STK31: variants seen among roughly 807,000 people sequenced by gnomAD.
The protein encoded by STK31 is serine/threonine kinase 31.
Under a neutral mutation model 129.7 loss-of-function variants are expected in STK31, and 89 were observed. The ratio of observed to expected loss-of-function variants is 0.69; its 90% CI spans 0.58 to 0.82. STK31 has a LOEUF of 0.82. STK31 is among the 40% of genes least tolerant of loss of function. The pLI, the probability that STK31 is intolerant of heterozygous loss-of-function variation, is 0.00. For missense variants in STK31, 1,187 were observed against 1,176.4 expected (o/e 1.01, Z -0.13); for synonymous variants, 448 against 395.3 (o/e 1.13, Z -1.58).
At chr7:23,761,159 C>G (rs1562580078) in intron 10 of STK31, among the ~76,000 whole-genome samples, 2 of 152,114 alleles carry the variant, frequency 1.3e-5, no homozygotes, top group African/African-American at 2.4e-5. Context: ...CAGGATGGAG[C>G]TTTAGCACTT....
At chr7:23,735,490 G>A (rs1787662770) in intron 6 of STK31, 48 bp from the exon 7 acceptor site, 2 of 1,469,422 alleles carry the variant, frequency 1.4e-6, no homozygotes, top group Non-Finnish European at 9.2e-7. Flanking sequence ...CAAAATAAGG[G>A]AAGAGAAACA....
At chr7:23,766,133 A>C (rs568147344) in intron 11 of STK31, among the ~76,000 whole-genome samples, 87 of 152,234 alleles carry the variant, frequency 5.7e-4, no homozygotes, top group African/African-American at 2.0e-3. Context: ...GAGTTATTTG[A>C]TATTTCAGGA....
intron 15 of STK31, 24 bp downstream of exon 15, chr7:23,772,302 T>C (rs762070193): frequency 1.3e-6 from 2 of 1,592,786 alleles, no homozygotes. Context: ...TGTTTCTTAC[T>C]GATCTTTATG....
chr7:23,824,416 T>C (rs1196027897), intron 23 of STK31, among the ~76,000 whole-genome samples: 2 of 152,244 alleles, frequency 1.3e-5, no homozygotes, highest in African/African-American at 4.8e-5. Context: ...TATTGGTGTA[T>C]AAGAATGCTT....
chr7:23,751,899 T>C (rs1343060966), intron 8 of STK31, among the ~76,000 whole-genome samples: 1 of 151,822 alleles, frequency 6.6e-6, no homozygotes, highest in African/African-American at 2.4e-5. Context: ...ATAGTATTTT[T>C]ATTCGAAGTT....
intron 23 of STK31, among the ~76,000 whole-genome samples, chr7:23,828,128 C>T (rs1232153672): frequency 1.3e-5 from 2 of 152,182 alleles, no homozygotes; most frequent in African/African-American, 4.8e-5. Context: ...AGCTGTCAGA[C>T]AGGGACACTT....
intron 10 of STK31, among the ~76,000 whole-genome samples, chr7:23,756,387 C>T (rs536902074): frequency 2.0e-5 from 3 of 152,212 alleles, no homozygotes; most frequent in South Asian, 2.1e-4. Flanking sequence ...CAGTTCAAGA[C>T]GTTTTTGGGG....
intron 23 of STK31, among the ~76,000 whole-genome samples, chr7:23,818,076 T>C (rs1793572700): frequency 6.6e-6 from 1 of 152,128 alleles, no homozygotes; most frequent in South Asian, 2.1e-4. Context: ...TGTAATATTA[T>C]ATTTAAATTT....
At chr7:23,785,870 G>T (rs1321421444) in intron 18 of STK31, among the ~76,000 whole-genome samples, 1 of 152,022 alleles carries the variant, frequency 6.6e-6, no homozygotes, top group Non-Finnish European at 1.5e-5. Context: ...GGGAGGGATA[G>T]CATTAGGAGA....
chr7:23,744,323 G>A (rs907328359), intron 8 of STK31, among the ~76,000 whole-genome samples: 2 of 149,106 alleles, frequency 1.3e-5, no homozygotes, highest in African/African-American at 4.9e-5. Context: ...TACCTATTTG[G>A]TAAATTTCTC....
Position 23,740,111 on chromosome 7 carries a change from A to ACAGGTTTTCTGTAC in STK31, c.1017+3033_1017+3034insCAGGTTTTCTGTAC, listed in dbSNP as rs1323096504. 5.9e-5 allele frequency among the ~76,000 whole-genome samples: 9 copies of ACAGGTTTTCTGTAC among 152,148 alleles called. No homozygotes were observed. In the East Asian group the frequency reaches 1.7e-3, roughly 29 times the overall value. On this transcript the variant is annotated intron_variant, in intron 8 of 23. Transcript: ENST00000355870. Reference sequence around the variant, plus strand: ...TGATTCTTCCTGTCCACGAGCATGGAATTGTATTTTCTGTACAGTCAGGGT... The same window carrying ACAGGTTTTCTGTAC: ...TGATTCTTCCTGTCCACGAGCATGGACAGGTTTTCTGTACATTGTATTTTCTGTACAGTCAGGGT...
chr7:23,804,076 A>G (rs541704938), intron 22 of STK31, among the ~76,000 whole-genome samples: 8 of 151,824 alleles, frequency 5.3e-5, no homozygotes, highest in Non-Finnish European at 1.2e-4. Flanking sequence ...TTCTTTGTTT[A>G]TTTTTATTTA....
At chr7:23,710,097 AG>A, upstream of STK31, 1 of 957,942 alleles carries the variant, frequency 1.0e-6, no homozygotes, top group East Asian at 2.6e-5. Context: ...GGTCGGCAGC[AG>A]CCAGCGTCAG....
At chr7:23,729,857 C>T (rs531288684) in intron 6 of STK31, among the ~76,000 whole-genome samples, 22 of 152,178 alleles carry the variant, frequency 1.4e-4, no homozygotes, top group Non-Finnish European at 3.1e-4. Flanking sequence ...ACAGTTATTT[C>T]TATAATTGTT....
chr7:23,756,450 CT>C (rs1789090654), intron 10 of STK31, among the ~76,000 whole-genome samples: 1 of 152,094 alleles, frequency 6.6e-6, no homozygotes, highest in African/African-American at 2.4e-5. Context: ...AAACAGACAA[CT>C]TGTCTTCCTC....
At chr7:23,817,243 T>G (rs571666415) in intron 23 of STK31, among the ~76,000 whole-genome samples, 2 of 152,266 alleles carry the variant, frequency 1.3e-5, no homozygotes, top group African/African-American at 2.4e-5. Context: ...AATCATGCCT[T>G]GCTAGGCATG....
intron 4 of STK31, among the ~76,000 whole-genome samples, chr7:23,724,084 A>G (rs1669312704): frequency 1.3e-5 from 2 of 152,220 alleles, no homozygotes; most frequent in Admixed American, 6.5e-5. Context: ...AGAGAGATAA[A>G]CAATTTAAAA....
intron 22 of STK31, among the ~76,000 whole-genome samples, chr7:23,800,222 C>A (rs1245038333): frequency 6.6e-6 from 1 of 152,146 alleles, no homozygotes; most frequent in Non-Finnish European, 1.5e-5. Flanking sequence ...ACCCAGCAAT[C>A]GCATTACTGG....
rs1419240566 is a variant in STK31, at chr7:23,832,360, T to C, written c.3054T>C (p.Asp1018=). ...CAAGAAATGGTGAAGCCAACTTTGA[T>C]TGTTAAATTATTATTGTTGTTGTTG... ...EKTRNGEANF[D]C The change falls in exon 24 of 24, where the codon GAT becomes GAC. Residue 1018 remains aspartate, a synonymous_variant. Coordinates refer to ENST00000355870, the MANE Select transcript of STK31 (RefSeq NM_031414.5). The C allele has an allele frequency of 6.2e-7, 1 of 1,606,564 alleles. No individual in the cohort carries two copies. Among genetic ancestry groups the C allele is most frequent in the Non-Finnish European group, 8.5e-7 (1 of 1,177,798 alleles).
Sources: allele counts gnomAD v4.1 joint callset (sites outside exome capture counted in the v4.1 genomes callset), GRCh38; gene constraint gnomAD v4.1.1; transcripts MANE v1.5; gene names NCBI Gene and HGNC (gene_info 2026-07-23, HGNC 2026-07-21).